The following GRID1 variants were observed in gnomAD, a reference collection of about 807,000 sequenced individuals.
GRID1 encodes the protein glutamate ionotropic receptor delta type subunit 1.
In GRID1, 28 loss-of-function variants were observed where a neutral mutation model predicts 98.0. That is an observed-to-expected ratio of 0.29 (90% CI 0.21 to 0.39). GRID1 has a LOEUF of 0.39. GRID1 is among the 10% of genes least tolerant of loss of function. The pLI is 1.00. For missense variants in GRID1, 1,111 were observed against 1,340.5 expected (o/e 0.83, Z 2.67); for synonymous variants, 553 against 538.5 (o/e 1.03, Z -0.37).
At chr10:86,002,620 A>C (rs1454654503) in intron 4 of GRID1, among the ~76,000 whole-genome samples, 1 of 152,168 alleles carries the variant, frequency 6.6e-6, no homozygotes. Flanking sequence ...ACAACCCCCC[A>C]GACTCAGCCA....
intron 5 of GRID1, among the ~76,000 whole-genome samples, chr10:85,889,750 C>T (rs761781540): frequency 2.0e-5 from 3 of 152,054 alleles, no homozygotes; most frequent in Non-Finnish European, 4.4e-5. Context: ...TTTTGAGAAA[C>T]CTCTATACTG....
At chr10:86,062,380 C>T (rs979447140) in intron 4 of GRID1, among the ~76,000 whole-genome samples, 2 of 152,080 alleles carry the variant, frequency 1.3e-5, no homozygotes, top group South Asian at 2.1e-4. Context: ...CCAGAGCACC[C>T]GGAGCTCGGT....
chr10:85,980,126 A>T (rs957442232), intron 4 of GRID1, among the ~76,000 whole-genome samples: 1 of 152,042 alleles, frequency 6.6e-6, no homozygotes, highest in African/African-American at 2.4e-5. Context: ...CTCCTTCCCC[A>T]CCTGGGACTT....
chr10:85,986,796 G>A (rs1842613715), intron 4 of GRID1, among the ~76,000 whole-genome samples: 1 of 152,204 alleles, frequency 6.6e-6, no homozygotes, highest in Non-Finnish European at 1.5e-5. Flanking sequence ...TCTAGATACT[G>A]AAGATACTGC....
intron 3 of GRID1, among the ~76,000 whole-genome samples, chr10:86,184,461 C>CTTTTTTTT (rs1198471392): frequency 7.4e-4 from 91 of 122,928 alleles, no homozygotes; most frequent in South Asian, 1.9e-3. Flanking sequence ...TTTCTTTTTT[C>CTTTTTTTT]TTTTTTTTTT....
chr10:85,609,070 G>A (rs1248358863), intron 15 of GRID1, among the ~76,000 whole-genome samples: 2 of 152,102 alleles, frequency 1.3e-5, no homozygotes, highest in Non-Finnish European at 2.9e-5. Context: ...GGAACCCAAT[G>A]GGCTCATGCA....
chr10:86,320,591 A>G (rs1375717669), intron 2 of GRID1, among the ~76,000 whole-genome samples: 1 of 152,132 alleles, frequency 6.6e-6, no homozygotes, highest in Non-Finnish European at 1.5e-5. Context: ...AAAATGAAAA[A>G]GTTCTGGAGA....
In GRID1 at chr10:85,723,144, G is replaced by A; in HGVS notation, c.1859-3C>T. The A allele has an allele frequency of 6.2e-7, 1 of 1,603,516 alleles. No individual in the cohort carries two copies. Among genetic ancestry groups the A allele is most frequent in the Non-Finnish European group, 8.5e-7 (1 of 1,174,582 alleles). ...GGAGTTCACGGAAGATTCGCCACCT[G>A]CGGGAGGCAGACAAAGTGGATTGGC... is the stretch of plus-strand genomic sequence containing the variant. On this transcript the variant is annotated splice_region_variant and splice_polypyrimidine_tract_variant and intron_variant, in intron 11 of 15. Transcript: ENST00000327946.
chr10:86,117,318 AC>A (rs950760717), intron 4 of GRID1, among the ~76,000 whole-genome samples: 10 of 150,776 alleles, frequency 6.6e-5, no homozygotes, highest in African/African-American at 2.4e-4. Context: ...CACAGCAATC[AC>A]ATCACCACCA....
At chr10:85,826,583 T>C (rs1842822506) in intron 8 of GRID1, among the ~76,000 whole-genome samples, 1 of 152,058 alleles carries the variant, frequency 6.6e-6, no homozygotes, top group African/African-American at 2.4e-5. Flanking sequence ...GCCCCACACT[T>C]GCCAACACAT....
intron 13 of GRID1, chr10:85,643,977 A>G (rs937811227): frequency 1.3e-5 from 2 of 152,234 alleles, no homozygotes; most frequent in African/African-American, 4.8e-5. Flanking sequence ...AGTGCCGCCA[A>G]TGGACAAGGG....
At chr10:85,935,707 C>T (rs974519642) in intron 4 of GRID1, among the ~76,000 whole-genome samples, 9 of 152,206 alleles carry the variant, frequency 5.9e-5, no homozygotes, top group Non-Finnish European at 1.5e-5. Flanking sequence ...TATGTCAATT[C>T]CTTTAATCCC....
intron 2 of GRID1, among the ~76,000 whole-genome samples, chr10:86,292,204 A>G (rs1458224620): frequency 2.0e-5 from 3 of 152,272 alleles, no homozygotes; most frequent in South Asian, 2.1e-4. Flanking sequence ...AGAAGCCACA[A>G]GGGCGCCACC....
intron 8 of GRID1, among the ~76,000 whole-genome samples, chr10:85,844,826 G>A (rs1326230405): frequency 1.3e-5 from 2 of 151,814 alleles, no homozygotes; most frequent in African/African-American, 4.8e-5. Context: ...ATATTAACAG[G>A]AAAGAGCAAG....
intron 4 of GRID1, among the ~76,000 whole-genome samples, chr10:86,122,725 A>G (rs1332285160): frequency 6.6e-6 from 1 of 152,256 alleles, no homozygotes; most frequent in Non-Finnish European, 1.5e-5. Context: ...TTTCACAGAT[A>G]AATTTATTTT....
At chr10:86,053,735 CAAGA>C (rs766438120) in intron 4 of GRID1, among the ~76,000 whole-genome samples, 5 of 152,130 alleles carry the variant, frequency 3.3e-5, no homozygotes, top group Non-Finnish European at 7.4e-5. Context: ...CTGCTGAGGG[CAAGA>C]GAGACAGGGA....
chr10:85,868,327 C>T (rs1378260664), intron 6 of GRID1, among the ~76,000 whole-genome samples: 1 of 152,190 alleles, frequency 6.6e-6, no homozygotes, highest in Non-Finnish European at 1.5e-5. Context: ...TTCCCTGTTG[C>T]TCCCAAACAC....
chr10:85,608,286 G>C (rs1219187855), intron 15 of GRID1, among the ~76,000 whole-genome samples: 1 of 152,172 alleles, frequency 6.6e-6, no homozygotes, highest in Non-Finnish European at 1.5e-5. Context: ...CACAGGTGGA[G>C]ATTTTAGAAA....
intron 3 of GRID1, among the ~76,000 whole-genome samples, chr10:86,156,033 G>A (rs1042464777): frequency 2.0e-5 from 3 of 152,192 alleles, no homozygotes; most frequent in African/African-American, 7.2e-5. Context: ...CAGCAAGCAG[G>A]CTGGAGAAGG....
Sources: gnomAD v4.1 joint callset for allele counts (sites outside exome capture counted in the v4.1 genomes callset) on GRCh38, gnomAD v4.1.1 for gene constraint, MANE v1.5 for transcripts, NCBI Gene and HGNC (gene_info 2026-07-23, HGNC 2026-07-21) for gene names.